ABCG1: variants seen among roughly 807,000 people sequenced by gnomAD.
ABCG1 encodes ATP binding cassette subfamily G member 1, also known as ATP-binding cassette sub-family G member 1.
Under a neutral mutation model 69.2 loss-of-function variants are expected in ABCG1, and 29 were observed. That is an observed-to-expected ratio of 0.42 (90% CI 0.31 to 0.57). The LOEUF (loss-of-function observed/expected upper bound fraction) is 0.57. ABCG1 is among the 20% of genes least tolerant of loss of function. The pLI, the probability that ABCG1 is intolerant of heterozygous loss-of-function variation, is 0.15. For missense variants in ABCG1, 718 were observed against 898.1 expected, an observed-to-expected ratio of 0.80 and a Z score of 2.56; for synonymous variants, 370 against 374.8, an observed-to-expected ratio of 0.99 and a Z score of 0.15.
chr21:42,212,877 T>C (rs58214398), upstream of ABCG1, among the ~76,000 whole-genome samples: 4,152 of 152,140 alleles, frequency 0.027, 188 homozygotes, highest in African/African-American at 0.094. Flanking sequence ...GTATTTTTAG[T>C]AGAGATGGGG....
At chr21:42,227,193 G>A (rs2067830586) in intron 2 of ABCG1, among the ~76,000 whole-genome samples, 1 of 152,136 alleles carries the variant, frequency 6.6e-6, no homozygotes, top group African/African-American at 2.4e-5. Context: ...CAACAGTATA[G>A]CACTGTGATG....
intron 2 of ABCG1, among the ~76,000 whole-genome samples, chr21:42,205,775 A>G (rs980587309): frequency 6.6e-6 from 1 of 152,060 alleles, no homozygotes; most frequent in Non-Finnish European, 1.5e-5. Context: ...AAGAGTTTCA[A>G]TTATCATTTT....
intron 10 of ABCG1, 79 bp from the exon 11 acceptor site, chr21:42,289,971 C>A: frequency 6.4e-7 from 1 of 1,558,240 alleles, no homozygotes; most frequent in Non-Finnish European, 8.8e-7. Context: ...CCCATGCTTC[C>A]AAAGGCCGCA....
Position 42,273,179 on chromosome 21 carries a change from C to T in ABCG1, c.405-124C>T. The T allele has an allele frequency of 7.3e-7, 1 of 1,374,978 alleles. No individual in the cohort carries two copies. Among genetic ancestry groups the T allele is most frequent in the Non-Finnish European group, 9.8e-7 (1 of 1,017,696 alleles). 85.2% of individuals were successfully genotyped at this position (1,374,978 alleles called of 1,614,324 possible). On this transcript the variant is annotated intron_variant, in intron 3 of 14. Coordinates refer to ENST00000398449, the MANE Select transcript of ABCG1 (RefSeq NM_016818.3). This position sits in a 1 kb window ranked among gnomAD's most constrained non-coding sequence, Gnocchi z 5.3. Reference sequence around the variant, plus strand: ...TTTCTGCCCCTCGGGGTCCCCGTGGCCAGTGGTTCAGCTGGGAAGATGCTG... The same window carrying T: ...TTTCTGCCCCTCGGGGTCCCCGTGGTCAGTGGTTCAGCTGGGAAGATGCTG...
At chr21:42,204,572 C>T (rs577255164) in intron 2 of ABCG1, among the ~76,000 whole-genome samples, 12 of 152,260 alleles carry the variant, frequency 7.9e-5, no homozygotes, top group East Asian at 3.9e-4. Context: ...ACCAGCCTTA[C>T]GTCTCTGGAA....
chr21:42,201,419 G>A (rs1347635348), intron 1 of ABCG1, among the ~76,000 whole-genome samples: 5 of 152,090 alleles, frequency 3.3e-5, no homozygotes, highest in East Asian at 3.8e-4. Flanking sequence ...AAGCTCCCTC[G>A]CTTGCCGCTC....
rs375956390 is a variant in ABCG1 at position 42,241,294 on chromosome 21, G to A, written c.286+15380G>A. ...CCGTGAGCTCATCATAAACAGAAAC[G>A]GGGAAATTCATCAGAGTGTGTTTCT... On this transcript the variant is annotated intron_variant, in intron 2 of 14. Coordinates refer to ENST00000398449, the MANE Select transcript of ABCG1 (RefSeq NM_016818.3). 9.9e-5 allele frequency among the ~76,000 whole-genome samples: 15 copies of A among 152,268 alleles called. 1 individual carries two copies. Among genetic ancestry groups the A allele is most frequent in the Admixed American group, 2.0e-4 (3 of 15,286 alleles).
intron 4 of ABCG1, among the ~76,000 whole-genome samples, chr21:42,275,602 C>T (rs1372845141): frequency 6.6e-6 from 1 of 152,198 alleles, no homozygotes; most frequent in East Asian, 1.9e-4. Context: ...TGCTCGAGAC[C>T]CTTCACTGGG....
chr21:42,241,633 A>C (rs2068053529), intron 2 of ABCG1, among the ~76,000 whole-genome samples: 1 of 151,408 alleles, frequency 6.6e-6, no homozygotes, highest in South Asian at 2.1e-4. Flanking sequence ...AAAAAAAACA[A>C]AACCCAAAAT....
chr21:42,220,143 A>C, intron 1 of ABCG1: 1 of 1,099,018 alleles, frequency 9.1e-7, no homozygotes, highest in Admixed American at 2.2e-5. Flanking sequence ...CCAGCCACCC[A>C]CCTCACCTTA....
rs1303919887 is a variant in ABCG1, at chr21:42,219,259, G to T, written c.-4G>T. ...GCCGCCGCCGCCGCCGCCGCCCCCG[G>T]GGCATGGCCTGTCTGATGGCCGCTT... is the stretch of plus-strand genomic sequence containing the variant. On this transcript the variant is annotated 5_prime_UTR_variant, in exon 1 of 15. Coordinates refer to ENST00000398449, the MANE Select transcript of ABCG1 (RefSeq NM_016818.3). The surrounding 1 kb of genome is among the most constrained non-coding windows in gnomAD (Gnocchi z 5.3). The T allele has an allele frequency of 1.9e-6, 3 of 1,565,490 alleles. No individual in the cohort carries two copies. The highest frequency in any genetic ancestry group is 2.6e-6 in the Non-Finnish European group (3 of 1,163,428).
Position 42,287,986 on chromosome 21 carries a change from C to G in ABCG1, c.1071C>G (p.Leu357=), listed in dbSNP as rs1464577854. 6.2e-7 allele frequency: 1 copy of G among 1,613,546 alleles called. No homozygotes were observed. The change falls in exon 9 of 15, where the codon CTC becomes CTG. Residue 357 remains leucine, a synonymous_variant. Coordinates refer to ENST00000398449, the MANE Select transcript of ABCG1 (RefSeq NM_016818.3). This position sits in a 1 kb window ranked among gnomAD's most constrained non-coding sequence, Gnocchi z 6.2. The part of the protein sequence containing the change: ...GMCDSDHKRD[L]GGDAEVNPFL... ...GTGACTCAGACCACAAGAGAGACCT[C>G]GGGGGTGATGCCGAGGTGAACCCTT...
chr21:42,265,006 C>T (rs1439867129), intron 2 of ABCG1, among the ~76,000 whole-genome samples: 1 of 152,190 alleles, frequency 6.6e-6, no homozygotes, highest in Non-Finnish European at 1.5e-5. Flanking sequence ...TTTGGCTGAG[C>T]TCCTCGAGAT....
At chr21:42,225,383 G>C (rs1233921708) in intron 1 of ABCG1, among the ~76,000 whole-genome samples, 1 of 152,212 alleles carries the variant, frequency 6.6e-6, no homozygotes, top group Non-Finnish European at 1.5e-5. Flanking sequence ...TTTGAGGCAA[G>C]TGATGATTCA....
At chr21:42,251,475 C>A in intron 2 of ABCG1, among the ~76,000 whole-genome samples, 1 of 152,166 alleles carries the variant, frequency 6.6e-6, no homozygotes, top group East Asian at 1.9e-4. Flanking sequence ...GGCCAGCCAC[C>A]GTGTGAAGTT....
chr21:42,287,930 C>T lies in ABCG1; in HGVS notation c.1015C>T (p.Arg339Trp), dbSNP rs753315195. Reference protein sequence around the residue: ...ASGEYGDQNSRLVRAVREGMC... With the variant: ...ASGEYGDQNSWLVRAVREGMC... Reference sequence around the variant, plus strand: ...CGGCGAGTACGGTGATCAGAACAGTCGGCTGGTGAGAGCGGTTCGGGAGGG... The same window carrying T: ...CGGCGAGTACGGTGATCAGAACAGTTGGCTGGTGAGAGCGGTTCGGGAGGG... Residue 339 changes from arginine to tryptophan, a missense_variant, in exon 9 of 15, where the codon CGG (arginine) becomes TGG (tryptophan). Physicochemically the swap from Arg to Trp is moderately radical, Grantham distance 101. This residue lies in a region of ABCG1 where 514 missense variants were observed against 574.3 expected (regional missense o/e 0.90). Coordinates refer to ENST00000398449, the MANE Select transcript of ABCG1 (RefSeq NM_016818.3). This position sits in a 1 kb window ranked among gnomAD's most constrained non-coding sequence, Gnocchi z 6.2. 5.0e-6 allele frequency: 8 copies of T among 1,611,450 alleles called. No homozygotes were observed. The highest frequency in any genetic ancestry group is 2.2e-5 in the South Asian group (2 of 90,774).
chr21:42,242,552 G>C (rs1165264253), intron 2 of ABCG1, among the ~76,000 whole-genome samples: 6 of 152,128 alleles, frequency 3.9e-5, no homozygotes, highest in Admixed American at 3.3e-4. Flanking sequence ...AGAGGAGGAG[G>C]GAGCTGTATT....
chr21:42,270,075 A>G (rs2068588267), intron 2 of ABCG1, among the ~76,000 whole-genome samples: 1 of 152,028 alleles, frequency 6.6e-6, no homozygotes, highest in Non-Finnish European at 1.5e-5. Flanking sequence ...CCTGGCTAAC[A>G]CGGTGAAACC....
Position 42,238,693 on chromosome 21 carries a change from C to T in ABCG1, c.286+12779C>T, listed in dbSNP as rs146125720. ...ACATTACACTTCAGAATTTGGCTCA[C>T]GGGCGAGGTTGATGCAGGTTATCTT... On this transcript the variant is annotated intron_variant, in intron 2 of 14. Transcript: ENST00000398449. 8.3e-3 allele frequency among the ~76,000 whole-genome samples: 1,263 copies of T among 152,280 alleles called. 16 individuals carry two copies. The highest frequency in any genetic ancestry group is 0.029 in the African/African-American group (1,197 of 41,556).
Sources: allele counts gnomAD v4.1 joint callset (sites outside exome capture counted in the v4.1 genomes callset), GRCh38; gene constraint gnomAD v4.1.1; regional missense constraint gnomAD v4.1.1; non-coding constraint Gnocchi (gnomAD v3.1); transcripts MANE v1.5; gene names NCBI Gene and HGNC (gene_info 2026-07-23, HGNC 2026-07-21).